The following PRSS23 variants were observed in gnomAD, a reference collection of about 807,000 sequenced individuals.
PRSS23 encodes serine protease 23.
PRSS23 carries 25 observed loss-of-function variants against 34.7 expected under a neutral mutation model. The ratio of observed to expected loss-of-function variants is 0.72; its 90% CI spans 0.53 to 1.01. The LOEUF (loss-of-function observed/expected upper bound fraction) is 1.01, where lower values mean the gene tolerates loss of function less well. PRSS23 is among the 50% of genes least tolerant of loss of function. PRSS23 has a pLI of 0.00. For synonymous variants in PRSS23, 176 were observed against 186.6 expected (o/e 0.94, Z 0.46); for missense variants, 445 against 475.6 (o/e 0.94, Z 0.60).
chr11:86,880,663 A>G (rs901200197), intron 2 of PRSS23, among the ~76,000 whole-genome samples: 6 of 151,740 alleles, frequency 4.0e-5, no homozygotes, highest in Non-Finnish European at 7.4e-5. Flanking sequence ...CCACCTACCA[A>G]CAGGCCCTGG....
intron 2 of PRSS23, among the ~76,000 whole-genome samples, chr11:86,943,806 C>T (rs1370357833): frequency 1.3e-5 from 2 of 151,846 alleles, no homozygotes; most frequent in Non-Finnish European, 2.9e-5. Context: ...TGCAATGGCA[C>T]GATCTCGGCT....
At chr11:86,857,408 A>G (rs1443170019) in intron 2 of PRSS23, 3 of 324,704 alleles carry the variant, frequency 9.2e-6, no homozygotes, top group East Asian at 8.8e-5. Context: ...TCTAAAATAC[A>G]TAATATGTTA....
intron 2 of PRSS23, among the ~76,000 whole-genome samples, chr11:86,831,962 C>T (rs1445833279): frequency 5.9e-5 from 9 of 151,838 alleles, no homozygotes; most frequent in Admixed American, 1.3e-4. Context: ...TGATATTATT[C>T]GTAATATCCT....
chr11:86,865,493 A>G (rs1035091605), intron 2 of PRSS23, among the ~76,000 whole-genome samples: 1 of 152,214 alleles, frequency 6.6e-6, no homozygotes, highest in African/African-American at 2.4e-5. Context: ...TGTGAAGCAG[A>G]ATGCCTCCTT....
intron 1 of PRSS23, among the ~76,000 whole-genome samples, chr11:86,804,412 C>T (rs1213261551): frequency 1.3e-5 from 2 of 152,094 alleles, no homozygotes; most frequent in African/African-American, 4.8e-5. Flanking sequence ...AAGCTTTAAG[C>T]AAGATATATA....
At chr11:86,952,428 T>G in exon 3 of PRSS23, 1 of 1,613,980 alleles carries the variant, frequency 6.2e-7, no homozygotes, top group Non-Finnish European at 8.5e-7. Context: ...GGGATGTTGA[T>G]CTTCTCTGTG....
intron 2 of PRSS23, chr11:86,857,855 G>T: frequency 3.8e-6 from 2 of 532,448 alleles, no homozygotes; most frequent in East Asian, 5.4e-5. Context: ...GTGTGGAAGT[G>T]GGGGTCAGAG....
At chr11:86,901,822 T>C (rs1303584696) in intron 2 of PRSS23, among the ~76,000 whole-genome samples, 1 of 152,142 alleles carries the variant, frequency 6.6e-6, no homozygotes, top group East Asian at 1.9e-4. Context: ...TTCCCATAAC[T>C]AAAGACAATT....
rs1948162745 is a variant in PRSS23 at position 86,810,273 on chromosome 11, C to T, written c.*1478C>T. 1 of 166,628 alleles carries T rather than the reference C, an allele frequency of 6.0e-6. No individual in the cohort carries two copies. The highest frequency in any genetic ancestry group is 6.5e-5 in the Admixed American group (1 of 15,284). The allele number at this position is 166,628 out of a possible 1,614,324, so 10.3% of individuals were successfully genotyped here. On this transcript the variant is annotated 3_prime_UTR_variant, in exon 2 of 2. Transcript: ENST00000280258. ...AGCACGTGTTTGCTGTGCTTGCACC[C>T]CAGGTAAACCTGCATTGTAGCAATT...
chr11:86,909,896 T>G (rs1201389560), intron 2 of PRSS23: 1 of 152,180 alleles, frequency 6.6e-6, no homozygotes, highest in Non-Finnish European at 1.5e-5. Flanking sequence ...AATTAACTCT[T>G]TAGTTAAGGT....
chr11:86,945,789 T>C (rs984746219), intron 2 of PRSS23: 1 of 152,674 alleles, frequency 6.5e-6, no homozygotes, highest in Non-Finnish European at 1.5e-5. Context: ...AGACATACTT[T>C]TGTACATCCT....
At chr11:86,918,980 C>G (rs969120389) in intron 2 of PRSS23, among the ~76,000 whole-genome samples, 1 of 152,076 alleles carries the variant, frequency 6.6e-6, no homozygotes, top group African/African-American at 2.4e-5. Flanking sequence ...AGAGCATAGG[C>G]GAAATCTCCT....
chr11:86,827,344 C>G (rs886515256), intron 2 of PRSS23, among the ~76,000 whole-genome samples: 1 of 152,140 alleles, frequency 6.6e-6, no homozygotes, highest in African/African-American at 2.4e-5. Flanking sequence ...GTGATATCTC[C>G]TTTATCATTT....
intron 2 of PRSS23, among the ~76,000 whole-genome samples, chr11:86,863,994 G>T (rs1357792707): frequency 2.0e-5 from 3 of 152,168 alleles, no homozygotes; most frequent in African/African-American, 7.2e-5. Flanking sequence ...TTTAAAATGT[G>T]TAATCATATA....
chr11:86,792,151 C>T (rs1947955606), intron 1 of PRSS23, among the ~76,000 whole-genome samples: 1 of 152,298 alleles, frequency 6.6e-6, no homozygotes, highest in South Asian at 2.1e-4. Flanking sequence ...CTGGTCCTTA[C>T]AGACAGCACA....
intron 2 of PRSS23, among the ~76,000 whole-genome samples, chr11:86,846,441 A>G (rs1305704327): frequency 1.3e-5 from 2 of 152,136 alleles, no homozygotes; most frequent in African/African-American, 4.8e-5. Flanking sequence ...AAGGTTCTCT[A>G]ACAACCCCTG....
intron 2 of PRSS23, among the ~76,000 whole-genome samples, chr11:86,850,930 T>C (rs544164783): frequency 6.6e-6 from 1 of 152,354 alleles, no homozygotes; most frequent in South Asian, 2.1e-4. Flanking sequence ...CTTAAAGAGT[T>C]TGAAAGGCAA....
chr11:86,900,652 A>T (rs977944414), intron 2 of PRSS23, among the ~76,000 whole-genome samples: 1 of 151,956 alleles, frequency 6.6e-6, no homozygotes, highest in African/African-American at 2.4e-5. Flanking sequence ...CTGACAGTAT[A>T]TAGGCGGCAT....
At chr11:86,826,543 G>T (rs1046881577) in intron 2 of PRSS23, among the ~76,000 whole-genome samples, 3 of 152,162 alleles carry the variant, frequency 2.0e-5, no homozygotes, top group African/African-American at 7.2e-5. Flanking sequence ...AATAGGAGTG[G>T]TGAGAGAGGG....
Sources: gnomAD v4.1 joint callset for allele counts (sites outside exome capture counted in the v4.1 genomes callset) on GRCh38, gnomAD v4.1.1 for gene constraint, MANE v1.5 for transcripts, NCBI Gene and HGNC (gene_info 2026-07-23, HGNC 2026-07-21) for gene names.